Variants in CSMD1 observed in about 807,000 individuals in gnomAD.
CSMD1 encodes the protein CUB and sushi domain-containing protein 1.
Under a neutral mutation model 417.5 loss-of-function variants are expected in CSMD1, and 213 were observed. The observed-to-expected ratio is 0.51, with a 90% CI of 0.46 to 0.57. CSMD1 has a LOEUF of 0.57. CSMD1 is among the 20% of genes least tolerant of loss of function. The pLI is 0.00. For synonymous variants in CSMD1, 2,862 were observed against 1,736.8 expected (o/e 1.65, Z -16.11); for missense variants, 6,923 against 4,529.7 (o/e 1.53, Z -15.17).
At chr8:3,555,016 GGAA>G (rs1054830564) in intron 10 of CSMD1, among the ~76,000 whole-genome samples, 3 of 152,028 alleles carry the variant, frequency 2.0e-5, no homozygotes, top group Non-Finnish European at 4.4e-5. Context: ...GAGGAGGAAG[GGAA>G]GAAGACTGTG....
At chr8:3,183,036 G>C (rs1241013149) in intron 36 of CSMD1, 1 of 152,060 alleles carries the variant, frequency 6.6e-6, no homozygotes, top group African/African-American at 2.4e-5. Flanking sequence ...GGCTTTACAG[G>C]CATGAGCCAC....
rs1218931391 is a variant in CSMD1 at position 4,815,694 on chromosome 8, CAAAAAAAAA to C, written c.86-178145_86-178137del. Reference sequence around the variant, plus strand: ...CTGGGCAACAAGACCAAAGCTGTCTCAAAAAAAAAAAAAAAAAAAAAAAAGAAGAGAAAG... The same window carrying C: ...CTGGGCAACAAGACCAAAGCTGTCTCAAAAAAAAAAAAAAAGAAGAGAAAG... On this transcript the variant is annotated intron_variant, in intron 1 of 69. Coordinates refer to ENST00000635120, the MANE Select transcript of CSMD1 (RefSeq NM_033225.6). 8.9e-5 allele frequency among the ~76,000 whole-genome samples: 6 copies of C among 67,612 alleles called. No individual in the cohort carries two copies. The South Asian group carries it at 1.8e-3, about 20-fold the overall frequency. The allele number at this position is 67,612 out of a possible 152,430, so 44.4% of individuals were successfully genotyped here. A position where few individuals can be genotyped will look rare whatever the true frequency, so the allele number is the denominator to read the frequency against.
intron 39 of CSMD1, among the ~76,000 whole-genome samples, chr8:3,155,620 G>C (rs1292677043): frequency 1.3e-5 from 2 of 151,662 alleles, no homozygotes; most frequent in African/African-American, 4.8e-5. Context: ...ACTCGCCTCA[G>C]CCTCCCAAAG....
At chr8:3,774,812 C>T (rs1191134843) in intron 5 of CSMD1, among the ~76,000 whole-genome samples, 2 of 152,232 alleles carry the variant, frequency 1.3e-5, no homozygotes, top group Non-Finnish European at 1.5e-5. Flanking sequence ...GACTGTGCTG[C>T]CCCGTCATTC....
intron 1 of CSMD1, among the ~76,000 whole-genome samples, chr8:4,918,767 C>T (rs191151255): frequency 6.0e-4 from 91 of 152,170 alleles, no homozygotes; most frequent in Middle Eastern, 6.8e-3. Context: ...CAGGTATGTG[C>T]ATATGGAATT....
chr8:4,070,148 T>A (rs577539248), intron 3 of CSMD1, among the ~76,000 whole-genome samples: 137 of 152,254 alleles, frequency 9.0e-4, no homozygotes, highest in African/African-American at 2.8e-3. Context: ...TTATTTTTTT[T>A]AAAATGTATA....
intron 3 of CSMD1, among the ~76,000 whole-genome samples, chr8:4,322,357 T>C (rs1799319025): frequency 6.6e-6 from 1 of 152,124 alleles, no homozygotes; most frequent in South Asian, 2.1e-4. Context: ...TGGAGAGAGT[T>C]TAAAGTGGAA....
At chr8:4,349,553 A>T in intron 3 of CSMD1, among the ~76,000 whole-genome samples, 1 of 152,242 alleles carries the variant, frequency 6.6e-6, no homozygotes, top group Non-Finnish European at 1.5e-5. Flanking sequence ...ATGCTTTTTT[A>T]TATTAGGTGA....
intron 3 of CSMD1, among the ~76,000 whole-genome samples, chr8:4,185,293 T>C (rs1458405644): frequency 1.3e-5 from 2 of 152,170 alleles, no homozygotes; most frequent in African/African-American, 2.4e-5. Flanking sequence ...AATTGTTTAA[T>C]CTTTTTGTTT....
intron 15 of CSMD1, among the ~76,000 whole-genome samples, chr8:3,402,456 T>A (rs897090702): frequency 2.0e-5 from 3 of 152,156 alleles, no homozygotes; most frequent in Non-Finnish European, 4.4e-5. Flanking sequence ...GCCACTGAGC[T>A]GCATTGAGGA....
chr8:4,407,135 G>A lies in CSMD1; in HGVS notation c.415+12818C>T, dbSNP rs138364148. Among the ~76,000 whole-genome samples, 32 of 152,242 alleles carry A rather than the reference G, an allele frequency of 2.1e-4. 1 individual carries two copies. Among genetic ancestry groups the A allele is most frequent in the Admixed American group, 7.2e-4 (11 of 15,294 alleles). ...TGGGTAGTTACCACAGACACCAGAT[G>A]AGCTGCAAAGCCAAAAGAGTAACTC... On this transcript the variant is annotated intron_variant, in intron 3 of 69. Coordinates refer to ENST00000635120, the MANE Select transcript of CSMD1 (RefSeq NM_033225.6).
At chr8:3,017,433 G>A (rs1048574950) in intron 52 of CSMD1, among the ~76,000 whole-genome samples, 2 of 152,126 alleles carry the variant, frequency 1.3e-5, no homozygotes, top group African/African-American at 2.4e-5. Flanking sequence ...GACACCCAAC[G>A]ACAGACACAT....
intron 2 of CSMD1, among the ~76,000 whole-genome samples, chr8:4,443,367 C>T (rs568669687): frequency 1.1e-4 from 17 of 152,284 alleles, no homozygotes; most frequent in African/African-American, 3.4e-4. Context: ...TTTGAAACAA[C>T]GGCTTTGATA....
chr8:4,503,041 A>G (rs1198675980), intron 2 of CSMD1, among the ~76,000 whole-genome samples: 1 of 152,210 alleles, frequency 6.6e-6, no homozygotes, highest in East Asian at 1.9e-4. Flanking sequence ...TTATGAAAAT[A>G]CCTTTTACTT....
chr8:4,099,009 A>G (rs1028357680), intron 3 of CSMD1, among the ~76,000 whole-genome samples: 1 of 151,934 alleles, frequency 6.6e-6, no homozygotes, highest in Non-Finnish European at 1.5e-5. Flanking sequence ...ACTCCAAACA[A>G]CTCTTCAGCT....
intron 1 of CSMD1, among the ~76,000 whole-genome samples, chr8:4,990,446 C>G (rs189836235): frequency 1.7e-4 from 26 of 152,208 alleles, no homozygotes; most frequent in Admixed American, 1.7e-3. Flanking sequence ...CTACTGCAAC[C>G]TCCACCTCCC....
At chr8:4,006,141 G>A (rs1307939156) in intron 4 of CSMD1, among the ~76,000 whole-genome samples, 2 of 152,170 alleles carry the variant, frequency 1.3e-5, no homozygotes, top group Admixed American at 6.5e-5. Flanking sequence ...ATCAACCACA[G>A]ATGATTTATG....
chr8:3,423,942 T>C (rs1027587992), intron 12 of CSMD1, among the ~76,000 whole-genome samples: 1 of 152,158 alleles, frequency 6.6e-6, no homozygotes, highest in Non-Finnish European at 1.5e-5. Context: ...TATTTAACTA[T>C]TTTTGGCTAC....
intron 10 of CSMD1, among the ~76,000 whole-genome samples, chr8:3,549,105 G>A (rs904889518): frequency 3.3e-5 from 5 of 152,106 alleles, no homozygotes; most frequent in African/African-American, 1.2e-4. Flanking sequence ...GCCACACATT[G>A]CCATGCAGAT....
Sources: allele counts gnomAD v4.1 joint callset (sites outside exome capture counted in the v4.1 genomes callset), GRCh38; gene constraint gnomAD v4.1.1; transcripts MANE v1.5; gene names NCBI Gene and HGNC (gene_info 2026-07-23, HGNC 2026-07-21).